Variants in RHOBTB2 observed in about 807,000 individuals in gnomAD.
RHOBTB2 encodes the protein Rho related BTB domain containing 2.
A neutral mutation model predicts 66.5 loss-of-function variants in RHOBTB2; 39 were observed. The ratio of observed to expected loss-of-function variants is 0.59; its 90% CI spans 0.45 to 0.77. RHOBTB2 has a LOEUF of 0.77. Among genes scored for constraint, RHOBTB2 ranks in the 30% least tolerant of loss-of-function variants. The pLI is 0.00. For missense variants in RHOBTB2, 755 were observed against 999.1 expected (o/e 0.76, Z 3.29); for synonymous variants, 390 against 395.0 (o/e 0.99, Z 0.15).
Position 23,004,658 on chromosome 8 carries a change from C to A in RHOBTB2, c.192+32C>A, listed in dbSNP as rs1259374607. The A allele has an allele frequency of 6.3e-7, 1 of 1,587,774 alleles. No homozygotes were observed. Among genetic ancestry groups the A allele is most frequent in the East Asian group, 2.3e-5 (1 of 44,000 alleles). Reference sequence around the variant, plus strand: ...CTGCAGGACTACCTGGCTGGGGGTCCACGCCATGAGTCTGGGCTTGGGGGC... The same window carrying A: ...CTGCAGGACTACCTGGCTGGGGGTCAACGCCATGAGTCTGGGCTTGGGGGC... On this transcript the variant is annotated intron_variant, in intron 2 of 9. Transcript: ENST00000251822. This position sits in a 1 kb window ranked among gnomAD's most constrained non-coding sequence, Gnocchi z 6.4.
At chr8:22,995,782 C>T, upstream of RHOBTB2, 1 of 1,454,114 alleles carries the variant, frequency 6.9e-7, no homozygotes, top group South Asian at 1.2e-5. Flanking sequence ...CCCCAGCCTG[C>T]ACATGGCAGG....
At chr8:22,986,112 G>A (rs1810282107), upstream of RHOBTB2, among the ~76,000 whole-genome samples, 1 of 151,380 alleles carries the variant, frequency 6.6e-6, no homozygotes, top group Non-Finnish European at 1.5e-5. Context: ...AGAGACCCAT[G>A]GGAGGGAACA....
At chr8:22,968,490 T>G in the RHOBTB2 span, among the ~76,000 whole-genome samples, 1 of 152,168 alleles carries the variant, frequency 6.6e-6, no homozygotes, top group African/African-American at 2.4e-5. Flanking sequence ...TTTGAGTTTT[T>G]AGTGCAACTT....
At chr8:22,969,170 G>A in the RHOBTB2 span, among the ~76,000 whole-genome samples, 3 of 152,142 alleles carry the variant, frequency 2.0e-5, no homozygotes, top group Non-Finnish European at 2.9e-5. Flanking sequence ...GAGAATGAGA[G>A]CCAAGCAAAA....
the RHOBTB2 span, among the ~76,000 whole-genome samples, chr8:22,967,658 A>C: frequency 6.7e-6 from 1 of 150,166 alleles, no homozygotes; most frequent in African/African-American, 2.4e-5. Flanking sequence ...CATATGAGGT[A>C]CTTAGAATAG....
upstream of RHOBTB2, among the ~76,000 whole-genome samples, chr8:22,997,719 A>T (rs1810614908): frequency 6.6e-6 from 1 of 152,160 alleles, no homozygotes; most frequent in Non-Finnish European, 1.5e-5. Context: ...TCCTGCCAGG[A>T]CAGGTGAAAG....
rs1811354908 is a variant in RHOBTB2 at position 23,018,277 on chromosome 8, C to T, written c.*808C>T. On this transcript the variant is annotated 3_prime_UTR_variant, in exon 10 of 10. Coordinates refer to ENST00000251822, the MANE Select transcript of RHOBTB2 (RefSeq NM_015178.3). ...AAGTAGGAATGAGTGCACGGCGACCCCGTGCTCCTCAGGGCCCTCCCCTGC... is the reference window on the plus strand; with the variant it reads ...AAGTAGGAATGAGTGCACGGCGACCTCGTGCTCCTCAGGGCCCTCCCCTGC... 6.6e-6 allele frequency: 1 copy of T among 152,602 alleles called. No homozygotes were observed. The highest frequency in any genetic ancestry group is 2.4e-5 in the African/African-American group (1 of 41,454). The allele number at this position is 152,602 out of a possible 1,614,324, so 9.5% of individuals were successfully genotyped here.
In RHOBTB2 at chr8:23,006,215, G is replaced by A. The variant is rs1563291004; in HGVS notation, c.482+70G>A. On this transcript the variant is annotated intron_variant, in intron 4 of 9. Transcript: ENST00000251822. The surrounding 1 kb of genome is among the most constrained non-coding windows in gnomAD (Gnocchi z 6.1). ...CACCATGGCTCCCTGCTCAGCCCTGGGGGAATTCCACTGAGCCTCATATCT... is the reference window on the plus strand; with the variant it reads ...CACCATGGCTCCCTGCTCAGCCCTGAGGGAATTCCACTGAGCCTCATATCT... 7.3e-7 allele frequency: 1 copy of A among 1,376,808 alleles called. No individual in the cohort carries two copies. Among genetic ancestry groups the A allele is most frequent in the South Asian group, 1.3e-5 (1 of 78,958 alleles). The allele number at this position is 1,376,808 out of a possible 1,614,324, so 85.3% of individuals were successfully genotyped here.
At chr8:23,013,378 C>T (rs552324558) in intron 7 of RHOBTB2, among the ~76,000 whole-genome samples, 1 of 152,184 alleles carries the variant, frequency 6.6e-6, no homozygotes, top group South Asian at 2.1e-4. Context: ...AGCCCTTTGC[C>T]TAGTATTCCT....
the RHOBTB2 span, among the ~76,000 whole-genome samples, chr8:22,954,232 A>G: frequency 6.6e-6 from 1 of 152,258 alleles, no homozygotes; most frequent in Non-Finnish European, 1.5e-5. Flanking sequence ...TGACATGAAC[A>G]TGAAAATGGC....
Position 23,017,438 on chromosome 8 carries a change from C to T in RHOBTB2, c.2153C>T (p.Ser718Leu), listed in dbSNP as rs1406309785. 1 of 1,604,716 alleles carries T rather than the reference C, an allele frequency of 6.2e-7. No homozygotes were observed. Among genetic ancestry groups the T allele is most frequent in the Non-Finnish European group, 8.5e-7 (1 of 1,175,560 alleles). ...CCGTCTTCCTCGGCAGCCTCCTCCT[C>T]ATCCCCATCTTCCTCCTCGGCTGTG... ...SSPSSSAASS[S>L]SPSSSSAVV Residue 718 changes from serine to leucine, a missense_variant, in exon 10 of 10, where the codon TCA becomes TTA. This residue lies in a region of RHOBTB2 where 353 missense variants were observed against 458.2 expected (regional missense o/e 0.77). Transcript: ENST00000251822. This position sits in a 1 kb window ranked among gnomAD's most constrained non-coding sequence, Gnocchi z 5.3.
chr8:23,002,602 A>C (rs933168121), intron 1 of RHOBTB2, among the ~76,000 whole-genome samples: 1 of 152,208 alleles, frequency 6.6e-6, no homozygotes, highest in Non-Finnish European at 1.5e-5. Context: ...AGGCAGGAGA[A>C]TCACTTGAAC....
At chr8:23,005,657 C>T (rs560677817) in intron 3 of RHOBTB2, among the ~76,000 whole-genome samples, 182 bp downstream of exon 3, 2 of 152,202 alleles carry the variant, frequency 1.3e-5, no homozygotes, top group Non-Finnish European at 2.9e-5. Flanking sequence ...GGTCCGGGAT[C>T]AGGAAGCCTG....
Position 23,006,474 on chromosome 8 carries a change from C to A in RHOBTB2, c.483-254C>A. On this transcript the variant is annotated intron_variant, in intron 4 of 9. Coordinates refer to ENST00000251822, the MANE Select transcript of RHOBTB2 (RefSeq NM_015178.3). This position sits in a 1 kb window ranked among gnomAD's most constrained non-coding sequence, Gnocchi z 6.1. ...ATGTGAAGCATTGCCTGCTAATTGC[C>A]AGAGAGGCAGTGCTGTCACGGCTTT... 1.8e-6 allele frequency: 1 copy of A among 563,314 alleles called. No individual in the cohort carries two copies. 34.9% of individuals were successfully genotyped at this position (563,314 alleles called of 1,614,324 possible).
chr8:22,992,862 G>C (rs1810457526), intron 2 of RHOBTB2, among the ~76,000 whole-genome samples: 1 of 152,212 alleles, frequency 6.6e-6, no homozygotes, highest in Non-Finnish European at 1.5e-5. Flanking sequence ...GCAGGGCCAG[G>C]GTAGGGAGGA....
At chr8:23,003,207 G>A (rs1179471120) in intron 1 of RHOBTB2, among the ~76,000 whole-genome samples, 1 of 152,248 alleles carries the variant, frequency 6.6e-6, no homozygotes, top group East Asian at 1.9e-4. Flanking sequence ...CGCTGGCCCT[G>A]CCCCTGCTCC....
chr8:23,013,202 G>A (rs1442147336), intron 7 of RHOBTB2, among the ~76,000 whole-genome samples: 1 of 152,034 alleles, frequency 6.6e-6, no homozygotes, highest in Non-Finnish European at 1.5e-5. Context: ...CCAAAGTGCT[G>A]TGATTACAGG....
the RHOBTB2 span, among the ~76,000 whole-genome samples, chr8:22,965,845 C>G: frequency 2.6e-5 from 4 of 152,228 alleles, no homozygotes; most frequent in African/African-American, 9.6e-5. Flanking sequence ...AGAGGCAAAG[C>G]TTTATGGCAC....
chr8:23,010,140 T>C (rs1471881580), intron 6 of RHOBTB2, among the ~76,000 whole-genome samples: 1 of 152,018 alleles, frequency 6.6e-6, no homozygotes, highest in Non-Finnish European at 1.5e-5. Flanking sequence ...CAGTGAGTAG[T>C]ATCTGGGTCC....
Sources: gnomAD v4.1 joint callset for allele counts (sites outside exome capture counted in the v4.1 genomes callset) on GRCh38, gnomAD v4.1.1 for gene constraint, gnomAD v4.1.1 regional missense constraint, Gnocchi (gnomAD v3.1) non-coding constraint, MANE v1.5 for transcripts, NCBI Gene and HGNC (gene_info 2026-07-23, HGNC 2026-07-21) for gene names.